SDK2: variants seen among roughly 807,000 people sequenced by gnomAD.
SDK2 encodes sidekick cell adhesion molecule 2.
SDK2 carries 105 observed loss-of-function variants against 253.9 expected under a neutral mutation model. The ratio of observed to expected loss-of-function variants is 0.41; its 90% CI spans 0.35 to 0.49. The LOEUF (loss-of-function observed/expected upper bound fraction) is 0.49. Among genes scored for constraint, SDK2 ranks in the 20% least tolerant of loss-of-function variants. SDK2 has a pLI of 0.06. For missense variants in SDK2, 2,608 were observed against 3,003.0 expected (o/e 0.87, Z 3.07); for synonymous variants, 1,249 against 1,234.9 (o/e 1.01, Z -0.24).
At chr17:73,522,894 C>T (rs757305029) in intron 1 of SDK2, among the ~76,000 whole-genome samples, 5 of 152,212 alleles carry the variant, frequency 3.3e-5, no homozygotes, top group Non-Finnish European at 7.3e-5. Context: ...CCCAGCTCCT[C>T]TTGCGGGTGG....
chr17:73,435,534 C>T lies in SDK2; in HGVS notation c.1111G>A (p.Val371Met). Reference protein sequence around the residue: ...NDGGLQISGLVPDDTGMFQCF... With the variant: ...NDGGLQISGLMPDDTGMFQCF... Reference sequence around the variant, plus strand: ...TGGAACATGCCGGTATCATCGGGCACCAGGCCGCTGATCTGCAGGCCCCCG... The same window carrying T: ...TGGAACATGCCGGTATCATCGGGCATCAGGCCGCTGATCTGCAGGCCCCCG... Residue 371 changes from valine to methionine, a missense_variant, in exon 9 of 45, where the codon GTG (valine) becomes ATG (methionine). This residue lies in a region of SDK2 where 1,505 missense variants were observed against 1,859.1 expected (regional missense o/e 0.81). Transcript: ENST00000392650. This position sits in a 1 kb window ranked among gnomAD's most constrained non-coding sequence, Gnocchi z 5.7. The T allele has an allele frequency of 1.3e-6, 2 of 1,598,212 alleles. No individual in the cohort carries two copies. The highest frequency in any genetic ancestry group is 8.5e-7 in the Non-Finnish European group (1 of 1,172,892).
chr17:73,416,327 A>G (rs974727273), intron 16 of SDK2, among the ~76,000 whole-genome samples: 1 of 147,730 alleles, frequency 6.8e-6, no homozygotes, highest in African/African-American at 2.5e-5. Flanking sequence ...CTCCCTGAGT[A>G]GCTGGGATTA....
At chr17:73,540,614 G>C (rs906212909) in intron 1 of SDK2, among the ~76,000 whole-genome samples, 2 of 152,122 alleles carry the variant, frequency 1.3e-5, no homozygotes, top group Admixed American at 6.5e-5. Context: ...TCCCACTTAA[G>C]CAAAACACTT....
chr17:73,538,748 A>T (rs11655016), intron 1 of SDK2, among the ~76,000 whole-genome samples: 87,031 of 151,906 alleles, frequency 0.57, 25,138 homozygotes, highest in South Asian at 0.64. Context: ...AAAATCACAT[A>T]AGCAGGCACC....
chr17:73,585,562 C>G (rs776302874), intron 1 of SDK2, among the ~76,000 whole-genome samples: 33 of 152,178 alleles, frequency 2.2e-4, no homozygotes, highest in Non-Finnish European at 4.0e-4. Context: ...TTCCTTTTGG[C>G]AAAAATCCCC....
At chr17:73,397,998 T>C (rs77540605) in intron 24 of SDK2, 37 bp downstream of exon 24, 3 of 1,602,414 alleles carry the variant, frequency 1.9e-6, no homozygotes, top group Admixed American at 1.7e-5. Flanking sequence ...CAGAAGCTCA[T>C]GGAGAGGTCC....
chr17:73,343,363 A>ACTG (rs2062455962), intron 44 of SDK2, among the ~76,000 whole-genome samples: 1 of 152,198 alleles, frequency 6.6e-6, no homozygotes, highest in African/African-American at 2.4e-5. Context: ...TGCATCAGCG[A>ACTG]CTGCTGCTCC....
At chr17:73,430,021 A>G (rs1363017809) in intron 12 of SDK2, among the ~76,000 whole-genome samples, 1 of 152,112 alleles carries the variant, frequency 6.6e-6, no homozygotes, top group Admixed American at 6.5e-5. Flanking sequence ...CTTCTCTTGC[A>G]GGGTCCCCCC....
rs2063970598 is a variant in SDK2, at chr17:73,510,362, C to T, written c.65-2765G>A. On this transcript the variant is annotated intron_variant, in intron 1 of 44. Transcript: ENST00000392650. ...AGGTTGGGAGGCTTTTCCTTGAACT[C>T]CCACCCTGGCTGCTACTAACCCTCA... 2.6e-5 allele frequency among the ~76,000 whole-genome samples: 4 copies of T among 152,278 alleles called. No homozygotes were observed. In the South Asian group the frequency reaches 8.3e-4, roughly 32 times the overall value.
In SDK2 at chr17:73,352,750, C is replaced by T; in HGVS notation, c.5594-113G>A. The T allele has an allele frequency of 4.6e-6, 5 of 1,082,532 alleles. No homozygotes were observed. Among genetic ancestry groups the T allele is most frequent in the Admixed American group, 2.3e-5 (1 of 43,434 alleles). The allele number at this position is 1,082,532 out of a possible 1,614,324, so 67.1% of individuals were successfully genotyped here. A position where few individuals can be genotyped will look rare whatever the true frequency, so the allele number is the denominator to read the frequency against. The stretch of plus-strand genomic sequence containing the variant: ...GGCTGGGCCTGTTGGATCCTCCCTG[C>T]TCCACACTGAATCGCAGGCCTTGGT... On this transcript the variant is annotated intron_variant, in intron 40 of 44. Coordinates refer to ENST00000392650, the MANE Select transcript of SDK2 (RefSeq NM_001144952.2). The surrounding 1 kb of genome is among the most constrained non-coding windows in gnomAD (Gnocchi z 4.1).
chr17:73,487,199 G>T (rs1285086067), intron 2 of SDK2, among the ~76,000 whole-genome samples: 1 of 152,182 alleles, frequency 6.6e-6, no homozygotes. Flanking sequence ...CTCCCAAAGT[G>T]CTGGGATTAC....
chr17:73,398,509 C>T, intron 22 of SDK2, 80 bp from the exon 23 acceptor site: 3 of 1,268,296 alleles, frequency 2.4e-6, no homozygotes, highest in Non-Finnish European at 3.4e-6. Context: ...CAAGCCCTGC[C>T]AGGGAAGAAG....
intron 39 of SDK2, among the ~76,000 whole-genome samples, chr17:73,358,503 C>T (rs1337067882): frequency 2.6e-5 from 4 of 152,166 alleles, no homozygotes; most frequent in Admixed American, 6.5e-5. Context: ...CAGCCCAGAA[C>T]GTGTTAGATG....
chr17:73,482,014 C>T (rs1338496548), intron 2 of SDK2, among the ~76,000 whole-genome samples: 1 of 152,192 alleles, frequency 6.6e-6, no homozygotes, highest in African/African-American at 2.4e-5. Context: ...GTGGCTCACG[C>T]CTGGAATCCC....
In SDK2 at chr17:73,437,957, C is replaced by G; in HGVS notation, c.916+7G>C. On this transcript the variant is annotated splice_region_variant and intron_variant, in intron 7 of 44. Transcript: ENST00000392650. ...AGGGGAGCCCTAGCAGCCCCACCCT[C>G]TCTCACCCAGCACTGAGAGGTAGGC... is the stretch of plus-strand genomic sequence containing the variant. The G allele has an allele frequency of 6.4e-7, 1 of 1,553,028 alleles. No homozygotes were observed. The highest frequency in any genetic ancestry group is 8.7e-7 in the Non-Finnish European group (1 of 1,147,718).
chr17:73,596,692 G>C (rs868174146), intron 1 of SDK2, among the ~76,000 whole-genome samples: 1 of 152,086 alleles, frequency 6.6e-6, no homozygotes, highest in African/African-American at 2.4e-5. Flanking sequence ...AGAAACAGGG[G>C]ACACAGGACA....
intron 40 of SDK2, among the ~76,000 whole-genome samples, chr17:73,357,061 G>C (rs376687961): frequency 2.0e-5 from 3 of 152,236 alleles, no homozygotes; most frequent in Non-Finnish European, 4.4e-5. Flanking sequence ...CATCTGGAGT[G>C]GGGAGAGAGC....
At chr17:73,641,369 C>G (rs2046396217) in intron 1 of SDK2, among the ~76,000 whole-genome samples, 1 of 152,202 alleles carries the variant, frequency 6.6e-6, no homozygotes, top group Non-Finnish European at 1.5e-5. Flanking sequence ...CTCTTAGTGG[C>G]TAAGAGCCTT....
intron 2 of SDK2, among the ~76,000 whole-genome samples, chr17:73,474,714 C>T (rs963241187): frequency 5.9e-5 from 9 of 152,092 alleles, no homozygotes; most frequent in Admixed American, 1.3e-4. Context: ...CCCTCTCTCC[C>T]GAGGCGAGGG....
Sources: gnomAD v4.1 joint callset for allele counts (sites outside exome capture counted in the v4.1 genomes callset) on GRCh38, gnomAD v4.1.1 for gene constraint, gnomAD v4.1.1 regional missense constraint, Gnocchi (gnomAD v3.1) non-coding constraint, MANE v1.5 for transcripts, NCBI Gene and HGNC (gene_info 2026-07-23, HGNC 2026-07-21) for gene names.